The following DCC variants were observed in gnomAD, a reference collection of about 807,000 sequenced individuals.
DCC encodes netrin receptor DCC.
DCC carries 58 observed loss-of-function variants against 172.5 expected under a neutral mutation model. That is an observed-to-expected ratio of 0.34 (90% CI 0.27 to 0.42). DCC has a LOEUF of 0.42. Among genes scored for constraint, DCC ranks in the 10% least tolerant of loss-of-function variants. DCC has a pLI of 1.00. For missense variants in DCC, 1,740 were observed against 1,791.0 expected, an observed-to-expected ratio of 0.97 and a Z score of 0.51; for synonymous variants, 709 against 644.5, an observed-to-expected ratio of 1.10 and a Z score of -1.52.
chr18:52,693,642 G>C (rs945853763), intron 1 of DCC, among the ~76,000 whole-genome samples: 1 of 151,902 alleles, frequency 6.6e-6, no homozygotes, highest in Middle Eastern at 3.4e-3. Context: ...GCTCCTTGGA[G>C]AAATAACTGA....
chr18:53,439,089 G>C (rs1337758977), intron 22 of DCC, among the ~76,000 whole-genome samples: 15 of 152,148 alleles, frequency 9.9e-5, no homozygotes, highest in African/African-American at 3.6e-4. Flanking sequence ...GCTGATTAAG[G>C]TGAACTGATA....
intron 1 of DCC, among the ~76,000 whole-genome samples, chr18:52,343,870 G>T (rs548023637): frequency 1.3e-5 from 2 of 152,156 alleles, no homozygotes; most frequent in Non-Finnish European, 2.9e-5. Flanking sequence ...TTTGAGTGGC[G>T]GGAGTATGGC....
chr18:53,352,464 C>T (rs969988003), intron 15 of DCC, among the ~76,000 whole-genome samples: 1 of 152,066 alleles, frequency 6.6e-6, no homozygotes, highest in African/African-American at 2.4e-5. Flanking sequence ...TATCCCTTTT[C>T]ACTAGTGATA....
At chr18:52,865,597 C>T (rs1218730749) in intron 2 of DCC, among the ~76,000 whole-genome samples, 1 of 151,578 alleles carries the variant, frequency 6.6e-6, no homozygotes, top group Admixed American at 6.6e-5. Context: ...TCTCTAATGA[C>T]CAGTGATGAT....
intron 1 of DCC, among the ~76,000 whole-genome samples, chr18:52,375,527 T>A (rs991659425): frequency 2.0e-5 from 3 of 152,220 alleles, no homozygotes; most frequent in African/African-American, 7.2e-5. Flanking sequence ...GTAGGAACAA[T>A]TCTTGGCATG....
chr18:53,321,354 T>G (rs962264301), intron 13 of DCC, among the ~76,000 whole-genome samples: 1 of 152,130 alleles, frequency 6.6e-6, no homozygotes, highest in Non-Finnish European at 1.5e-5. Context: ...ACTTTCAGCT[T>G]TTTGTAAGAG....
chr18:52,398,117 C>CA (rs369308202), intron 1 of DCC, among the ~76,000 whole-genome samples: 18,980 of 151,904 alleles, frequency 0.12, 1,343 homozygotes, highest in Middle Eastern at 0.16. Context: ...AATGCTTTAA[C>CA]TTTGACGGTA....
intron 12 of DCC, among the ~76,000 whole-genome samples, chr18:53,272,888 T>C (rs1568405090): frequency 1.3e-5 from 2 of 152,160 alleles, no homozygotes; most frequent in Non-Finnish European, 2.9e-5. Flanking sequence ...CAAATTGATA[T>C]ATGATTCTCG....
At chr18:53,110,046 A>G (rs1393225612) in intron 7 of DCC, among the ~76,000 whole-genome samples, 1 of 151,680 alleles carries the variant, frequency 6.6e-6, no homozygotes, top group Non-Finnish European at 1.5e-5. Context: ...TCCTAATTTG[A>G]ATGAAAACCA....
intron 1 of DCC, among the ~76,000 whole-genome samples, chr18:52,466,086 C>T (rs1988776093): frequency 6.6e-6 from 1 of 152,090 alleles, no homozygotes; most frequent in Non-Finnish European, 1.5e-5. Context: ...ATTTGATATT[C>T]AGGTGGTTTC....
intron 7 of DCC, among the ~76,000 whole-genome samples, chr18:53,106,976 T>C (rs1230370286): frequency 1.3e-5 from 2 of 151,932 alleles, no homozygotes; most frequent in Admixed American, 6.6e-5. Context: ...AGGAATGCTT[T>C]TGTTCTTAAG....
chr18:53,141,726 G>T (rs562551706), intron 7 of DCC, among the ~76,000 whole-genome samples: 76 of 152,196 alleles, frequency 5.0e-4, no homozygotes, highest in African/African-American at 1.7e-3. Context: ...CTTTCTTGTG[G>T]TACATTGTTC....
chr18:52,489,624 G>T (rs1598858459), intron 1 of DCC, among the ~76,000 whole-genome samples: 1 of 152,140 alleles, frequency 6.6e-6, no homozygotes, highest in Middle Eastern at 3.4e-3. Flanking sequence ...CCTTTGCTTT[G>T]TTGCTATTTT....
chr18:53,512,629 G>A (rs1422439134), intron 27 of DCC, among the ~76,000 whole-genome samples: 3 of 151,930 alleles, frequency 2.0e-5, no homozygotes, highest in African/African-American at 7.3e-5. Flanking sequence ...AGCTGATGGA[G>A]CTGAAAACCA....
intron 1 of DCC, among the ~76,000 whole-genome samples, chr18:52,744,787 G>C (rs1419597774): frequency 6.6e-6 from 1 of 152,146 alleles, no homozygotes; most frequent in African/African-American, 2.4e-5. Context: ...TTCCCATCTA[G>C]AGACTAAACT....
chr18:52,867,724 T>A (rs1345955010), intron 2 of DCC, among the ~76,000 whole-genome samples: 1 of 152,186 alleles, frequency 6.6e-6, no homozygotes, highest in Non-Finnish European at 1.5e-5. Context: ...GGATCAGTGG[T>A]GATATCTTGA....
At position 52,958,605 on chromosome 18, in the gene DCC, G is replaced by A. The variant is rs117681194; in HGVS notation, c.985+33235G>A. Among the ~76,000 whole-genome samples, 145 of 152,122 alleles carry A rather than the reference G, an allele frequency of 9.5e-4. 1 individual carries two copies. In the Middle Eastern group the frequency reaches 0.01, roughly 11 times the overall value. ...CAGTTGATGACCTAAACTGGGGCAC[G>A]GACAATGAAAATGGAGACACGGAAA... On this transcript the variant is annotated intron_variant, in intron 5 of 28. Transcript: ENST00000442544.
At chr18:52,561,488 C>A (rs2033037733) in intron 1 of DCC, among the ~76,000 whole-genome samples, 1 of 151,988 alleles carries the variant, frequency 6.6e-6, no homozygotes, top group Non-Finnish European at 1.5e-5. Context: ...ACACACACAT[C>A]TGGCAGTTTT....
chr18:53,285,530 G>A (rs1223067577), intron 12 of DCC, among the ~76,000 whole-genome samples: 4 of 152,232 alleles, frequency 2.6e-5, no homozygotes, highest in African/African-American at 9.6e-5. Flanking sequence ...ATGCCTGGAT[G>A]CCCTGGCAGA....
Sources: allele counts gnomAD v4.1 joint callset (sites outside exome capture counted in the v4.1 genomes callset), GRCh38; gene constraint gnomAD v4.1.1; transcripts MANE v1.5; gene names NCBI Gene and HGNC (gene_info 2026-07-23, HGNC 2026-07-21).